ZRANB2: variants seen among roughly 807,000 people sequenced by gnomAD.
ZRANB2 encodes zinc finger Ran-binding domain-containing protein 2.
ZRANB2 carries 19 observed loss-of-function variants against 53.4 expected under a neutral mutation model. The ratio of observed to expected loss-of-function variants is 0.36; its 90% CI spans 0.25 to 0.52. ZRANB2 has a LOEUF of 0.52. ZRANB2 is among the 20% of genes least tolerant of loss of function. The pLI is 0.93. For synonymous variants in ZRANB2, 145 were observed against 134.8 expected (o/e 1.08, Z -0.52); for missense variants, 309 against 401.1 (o/e 0.77, Z 1.96).
Position 71,078,558 on chromosome 1 carries a change from T to C in ZRANB2, c.117A>G (p.Thr39=). 1 of 1,613,978 alleles carries C rather than the reference T, an allele frequency of 6.2e-7. No homozygotes were observed. The highest frequency in any genetic ancestry group is 8.5e-7 in the Non-Finnish European group (1 of 1,179,934). The part of the protein sequence containing the change: ...TSCNRCGREK[T]TEAKMMKAGG... ...CAGCTTTCATCATCTTGGCCTCAGT[T>C]GTTTTCTCTGAAAACAGAAAAATCA... Residue 39 remains threonine (T), a synonymous_variant, in exon 3 of 10, where the codon ACA becomes ACG. Coordinates refer to ENST00000370920, the MANE Select transcript of ZRANB2 (RefSeq NM_203350.3).
intron 4 of ZRANB2, among the ~76,000 whole-genome samples, chr1:71,073,792 T>A (rs529616690): frequency 1.6e-4 from 24 of 150,204 alleles, no homozygotes; most frequent in Admixed American, 1.3e-3. Context: ...AAAATTATTT[T>A]AAGAGGCAGC....
chr1:71,071,995 A>G lies in ZRANB2; in HGVS notation c.513+126T>C, dbSNP rs558126545. On this transcript the variant is annotated intron_variant, in intron 6 of 9. Coordinates refer to ENST00000370920, the MANE Select transcript of ZRANB2 (RefSeq NM_203350.3). ...GTACTTGGCAGAGTGGAAATCCAAA[A>G]CCTTTGTGAGAACAAATGAAAACAC... is the stretch of plus-strand genomic sequence containing the variant. 1.7e-5 allele frequency: 24 copies of G among 1,398,196 alleles called. No homozygotes were observed. The African/African-American group carries it at 3.2e-4, about 19-fold the overall frequency. 86.6% of individuals were successfully genotyped at this position (1,398,196 alleles called of 1,614,324 possible). A position where few individuals can be genotyped will look rare whatever the true frequency, so the allele number is the denominator to read the frequency against.
Position 71,065,039 on chromosome 1 carries a change from G to T in ZRANB2, c.*35C>A. 2 of 1,502,856 alleles carry T rather than the reference G, an allele frequency of 1.3e-6. No homozygotes were observed. Among genetic ancestry groups the T allele is most frequent in the Non-Finnish European group, 1.8e-6 (2 of 1,087,350 alleles). 93.1% of individuals were successfully genotyped at this position (1,502,856 alleles called of 1,614,324 possible). A position where few individuals can be genotyped will look rare whatever the true frequency, so the allele number is the denominator to read the frequency against. On this transcript the variant is annotated 3_prime_UTR_variant, in exon 10 of 10. Coordinates refer to ENST00000370920, the MANE Select transcript of ZRANB2 (RefSeq NM_203350.3). ...TCTTTAAAAATATGCTTCATGCACT[G>T]TACTGGATTTTTTTAAGATGTAAAT... is the stretch of plus-strand genomic sequence containing the variant.
intron 8 of ZRANB2, among the ~76,000 whole-genome samples, 176 bp downstream of exon 8, chr1:71,069,100 T>G (rs967973038): frequency 6.6e-6 from 1 of 152,142 alleles, no homozygotes; most frequent in East Asian, 1.9e-4. Flanking sequence ...GGCACACTGC[T>G]GGCAATGGAA....
At chr1:71,067,734 A>C (rs1394332463) in intron 8 of ZRANB2, 1 of 416,726 alleles carries the variant, frequency 2.4e-6, no homozygotes, top group African/African-American at 2.2e-5. Flanking sequence ...AATGTTTGGG[A>C]AGAATATGAT....
intron 8 of ZRANB2, among the ~76,000 whole-genome samples, chr1:71,068,657 C>A (rs187771513): frequency 2.2e-3 from 340 of 152,162 alleles, no homozygotes; most frequent in Non-Finnish European, 3.8e-3. Context: ...ATATAAATGG[C>A]AAATTTGTTT....
At position 71,078,488 on chromosome 1, in the gene ZRANB2, G is replaced by A. The variant is rs774288284; in HGVS notation, c.187C>T (p.Leu63=). The change falls in exon 3 of 10, where the codon CTA becomes TTA. Residue 63 remains leucine, a synonymous_variant. Transcript: ENST00000370920. The stretch of plus-strand genomic sequence containing the variant: ...CATTGCCAGTCATTAGCACTAAATA[G>A]GCCTCGGCTCTTTTCTGCAAGTGTC... ...GKTLAEKSRG[L]FSANDWQCKT... 29 of 1,613,850 alleles carry A rather than the reference G, an allele frequency of 1.8e-5. No homozygotes were observed. The highest frequency in any genetic ancestry group is 1.6e-4 in the Middle Eastern group (1 of 6,082).
intron 9 of ZRANB2, among the ~76,000 whole-genome samples, chr1:71,065,413 A>C (rs1351747391): frequency 2.6e-5 from 4 of 152,094 alleles, no homozygotes; most frequent in Non-Finnish European, 4.4e-5. Context: ...GATATCAAAG[A>C]AAAGCCTTGC....
intron 4 of ZRANB2, among the ~76,000 whole-genome samples, chr1:71,074,638 T>A (rs1299227800): frequency 6.6e-6 from 1 of 150,862 alleles, no homozygotes; most frequent in Non-Finnish European, 1.5e-5. Flanking sequence ...TTTGTTTTTA[T>A]GCCATTATCT....
intron 9 of ZRANB2, 108 bp from the exon 10 acceptor site, chr1:71,065,245 CA>C: frequency 7.4e-6 from 6 of 815,684 alleles, no homozygotes; most frequent in Admixed American, 3.2e-5. Context: ...ATGATGCTAG[CA>C]AAAAAATTAA....
chr1:71,072,050 T>G, intron 6 of ZRANB2, 71 bp downstream of exon 6: 1 of 1,543,944 alleles, frequency 6.5e-7, no homozygotes, highest in Non-Finnish European at 8.7e-7. Flanking sequence ...TGTCTGAGGC[T>G]GTCAAAAGCA....
chr1:71,074,072 C>A (rs1661654619), intron 4 of ZRANB2, among the ~76,000 whole-genome samples: 1 of 152,122 alleles, frequency 6.6e-6, no homozygotes, highest in Non-Finnish European at 1.5e-5. Flanking sequence ...AATTACTTCT[C>A]CACAAACAGA....
At position 71,064,985 on chromosome 1, in the gene ZRANB2, A is replaced by T; in HGVS notation, c.*89T>A. 2.4e-6 allele frequency: 2 copies of T among 818,500 alleles called. No individual in the cohort carries two copies. The highest frequency in any genetic ancestry group is 3.9e-6 in the Non-Finnish European group (2 of 507,186). 50.7% of individuals were successfully genotyped at this position (818,500 alleles called of 1,614,324 possible). On this transcript the variant is annotated 3_prime_UTR_variant, in exon 10 of 10. Coordinates refer to ENST00000370920, the MANE Select transcript of ZRANB2 (RefSeq NM_203350.3). ...GGCATGCACCTCTACTAGCAGATTT[A>T]GCACTTCTGACCAAGTAAGACACCA...
chr1:71,071,677 AT>A (rs911445072), intron 6 of ZRANB2, among the ~76,000 whole-genome samples: 3 of 152,038 alleles, frequency 2.0e-5, no homozygotes, highest in African/African-American at 7.2e-5. Flanking sequence ...CTTATCTCCT[AT>A]TTAGGGAACC....
chr1:71,078,501 T>C lies in ZRANB2; in HGVS notation c.174A>G (p.Glu58=). The change falls in exon 3 of 10, where the codon GAA becomes GAG. Residue 58 remains glutamate (E), a synonymous_variant. Transcript: ENST00000370920. ...GGTEIGKTLA[E]KSRGLFSAND... ...TAGCACTAAATAGGCCTCGGCTCTT[T>C]TCTGCAAGTGTCTTTCCTATTTCAG... is the stretch of plus-strand genomic sequence containing the variant. The C allele has an allele frequency of 6.2e-7, 1 of 1,614,100 alleles. No homozygotes were observed. Among genetic ancestry groups the C allele is most frequent in the Non-Finnish European group, 8.5e-7 (1 of 1,179,982 alleles).
intron 8 of ZRANB2, chr1:71,067,664 T>TTAAAA (rs1328140695): frequency 2.3e-6 from 1 of 441,162 alleles, no homozygotes. Flanking sequence ...ACCTTTGGGC[T>TTAAAA]TAAAATAAAA....
intron 5 of ZRANB2, 74 bp downstream of exon 5, chr1:71,072,395 TTTG>T (rs1244436670): frequency 1.5e-5 from 22 of 1,481,350 alleles, no homozygotes; most frequent in African/African-American, 2.8e-5. Context: ...TAAAAAAAAG[TTTG>T]TTTTCCTTTG....
intron 9 of ZRANB2, chr1:71,065,638 G>A: frequency 6.3e-7 from 1 of 1,590,058 alleles, no homozygotes; most frequent in Non-Finnish European, 8.6e-7. Context: ...TTGCTATAGG[G>A]TTATATTCAT....
intron 4 of ZRANB2, among the ~76,000 whole-genome samples, chr1:71,076,531 A>C (rs968678533): frequency 6.6e-5 from 10 of 152,224 alleles, no homozygotes; most frequent in Admixed American, 5.9e-4. Flanking sequence ...AACCAGTGAA[A>C]GGGAGAGGAG....
Sources: gnomAD v4.1 joint callset for allele counts (sites outside exome capture counted in the v4.1 genomes callset) on GRCh38, gnomAD v4.1.1 for gene constraint, MANE v1.5 for transcripts, NCBI Gene and HGNC (gene_info 2026-07-23, HGNC 2026-07-21) for gene names.